UBR4: variants seen among roughly 807,000 people sequenced by gnomAD.
The protein encoded by UBR4 is E3 ubiquitin-protein ligase UBR4.
A neutral mutation model predicts 575.6 loss-of-function variants in UBR4; 124 were observed. The ratio of observed to expected loss-of-function variants is 0.22; its 90% CI spans 0.19 to 0.25. The LOEUF (loss-of-function observed/expected upper bound fraction) is 0.25, where lower values mean the gene tolerates loss of function less well. Ranked by LOEUF, UBR4 falls within the 10% of genes least tolerant of loss-of-function variation. UBR4 has a pLI of 1.00. For missense variants in UBR4, 4,818 were observed against 6,478.8 expected (o/e 0.74, Z 8.80); for synonymous variants, 2,455 against 2,473.7 (o/e 0.99, Z 0.22).
intron 33 of UBR4, among the ~76,000 whole-genome samples, chr1:19,164,045 T>C: frequency 6.6e-6 from 1 of 152,118 alleles, no homozygotes; most frequent in East Asian, 1.9e-4. Flanking sequence ...AAGAATTATC[T>C]TGGGAACAAT....
intron 15 of UBR4, 46 bp downstream of exon 15, chr1:19,185,053 A>T (rs750176038): frequency 6.2e-7 from 1 of 1,609,486 alleles, no homozygotes; most frequent in Non-Finnish European, 8.5e-7. Context: ...TCATACCCCT[A>T]GCTCCCCATG....
At position 19,076,834 on chromosome 1, in the gene UBR4, G is replaced by A; in HGVS notation, c.15393C>T (p.Asp5131=). ...TGTCGGCAGCTTCGTAGATGGGCATGTCGTTGTGGCGGATGTACTCAGCGA... is the reference window on the plus strand; with the variant it reads ...TGTCGGCAGCTTCGTAGATGGGCATATCGTTGTGGCGGATGTACTCAGCGA... ...CSLAEYIRHN[D]MPIYEAADKA... is the part of the protein sequence containing the mutation. Residue 5131 remains aspartate (D), a synonymous_variant, in exon 105 of 106, where the codon GAC becomes GAT. Transcript: ENST00000375254. 1 of 1,613,342 alleles carries A rather than the reference G, an allele frequency of 6.2e-7. No individual in the cohort carries two copies. The highest frequency in any genetic ancestry group is 2.2e-5 in the East Asian group (1 of 44,856).
intron 1 of UBR4, among the ~76,000 whole-genome samples, chr1:19,208,110 A>T (rs2093099406): frequency 1.3e-5 from 2 of 152,250 alleles, no homozygotes; most frequent in Admixed American, 6.5e-5. Context: ...CCTCTCACAC[A>T]GCCTGCAGAG....
chr1:19,165,001 G>T lies in UBR4; in HGVS notation c.4313-4C>A. ...CTCGGGTTAGGGCTCTTCTCAGCTA[G>T]GAGCAGAACAAGAGGCCAGGGTCAG... On this transcript the variant is annotated splice_polypyrimidine_tract_variant and splice_region_variant and intron_variant, in intron 31 of 105. Transcript: ENST00000375254. 1 of 1,613,974 alleles carries T rather than the reference G, an allele frequency of 6.2e-7. No individual in the cohort carries two copies. The highest frequency in any genetic ancestry group is 1.3e-5 in the African/African-American group (1 of 75,004).
rs760626107 is a variant in UBR4, at chr1:19,186,491, G to A, written c.1750+49C>T. The A allele has an allele frequency of 7.1e-6, 11 of 1,551,598 alleles. 1 individual carries two copies. Among genetic ancestry groups the A allele is most frequent in the South Asian group, 3.4e-5 (3 of 89,112 alleles). On this transcript the variant is annotated intron_variant, in intron 14 of 105. Transcript: ENST00000375254. ...ACAGGAATCTGCTGAGAACACTCCT[G>A]TTGCACTCTATAGCTTATCTCTGGG...
At chr1:19,149,396 A>G (rs943746211) in intron 49 of UBR4, among the ~76,000 whole-genome samples, 1 of 152,176 alleles carries the variant, frequency 6.6e-6, no homozygotes, top group Non-Finnish European at 1.5e-5. Context: ...GGAAGAGGAA[A>G]CTGAGGCATA....
intron 42 of UBR4, 111 bp from the exon 43 acceptor site, chr1:19,155,779 C>T: frequency 2.3e-6 from 2 of 886,814 alleles, no homozygotes; most frequent in Admixed American, 2.3e-5. Flanking sequence ...ATTCATTCTC[C>T]ATTCAGTAAA....
At position 19,122,476 on chromosome 1, in the gene UBR4, G is replaced by A. The variant is rs138961431; in HGVS notation, c.9816+357C>T. On this transcript the variant is annotated intron_variant, in intron 66 of 105. Coordinates refer to ENST00000375254, the MANE Select transcript of UBR4 (RefSeq NM_020765.3). ...TAGGCAGCAATACATTTTTCTACTC[G>A]AACCTTCATCATTTCTTTAGTATTC... Among the ~76,000 whole-genome samples the A allele has an allele frequency of 1.3e-3, 201 of 152,160 alleles. No homozygotes were observed. The Middle Eastern group carries it at 0.014, about 10-fold the overall frequency.
rs369510719 is a variant in UBR4 at position 19,081,377 on chromosome 1, G to A, written c.15205C>T (p.Arg5069Trp). 3.5e-5 allele frequency: 57 copies of A among 1,609,642 alleles called. No individual in the cohort carries two copies. The highest frequency in any genetic ancestry group is 2.2e-4 in the South Asian group (20 of 90,764). ...LRRLLVTSQA[R>W]AVAPGGATRL... is the part of the protein sequence containing the mutation. ...GTGGCTCCACCTGGAGCCACTGCCCGAGCCTGCGAGGTCACCAACAGCCTC... is the reference window on the plus strand; with the variant it reads ...GTGGCTCCACCTGGAGCCACTGCCCAAGCCTGCGAGGTCACCAACAGCCTC... The change falls in exon 103 of 106, where the codon CGG (arginine) becomes TGG (tryptophan). Residue 5069 changes from arginine (R) to tryptophan (W), a missense_variant. Arg to Trp is a moderately radical substitution (Grantham distance 101, BLOSUM62 -3). Transcript: ENST00000375254.
Position 19,157,800 on chromosome 1 carries a change from A to C in UBR4, c.5760+15T>G. The C allele has an allele frequency of 1.9e-6, 3 of 1,611,344 alleles. No homozygotes were observed. The South Asian group carries it at 3.3e-5, about 18-fold the overall frequency. ...ATATGACCTAAAGTAAGCGCACAAG[A>C]ATTGGAGGACCCACCTTGCCCTTCT... is the stretch of plus-strand genomic sequence containing the variant. On this transcript the variant is annotated intron_variant, in intron 40 of 105. Coordinates refer to ENST00000375254, the MANE Select transcript of UBR4 (RefSeq NM_020765.3). The surrounding 1 kb of genome is among the most constrained non-coding windows in gnomAD (Gnocchi z 4.4).
intron 1 of UBR4, among the ~76,000 whole-genome samples, chr1:19,206,736 A>G (rs1481343842): frequency 6.6e-6 from 1 of 152,214 alleles, no homozygotes; most frequent in Non-Finnish European, 1.5e-5. Context: ...CCCTTTAAAT[A>G]AATTCAGATA....
chr1:19,186,310 A>T (rs1348532013), intron 14 of UBR4, among the ~76,000 whole-genome samples: 1 of 152,202 alleles, frequency 6.6e-6, no homozygotes, highest in Non-Finnish European at 1.5e-5. Context: ...AAGGAATGAA[A>T]AGTAACCCAG....
chr1:19,151,938 G>T (rs1364481252), intron 47 of UBR4, 79 bp from the exon 48 acceptor site: 5 of 1,258,284 alleles, frequency 4.0e-6, no homozygotes, highest in Non-Finnish European at 5.4e-6. Context: ...CTCTGACATT[G>T]TCTCAACATG....
intron 49 of UBR4, 48 bp downstream of exon 49, chr1:19,150,529 T>C (rs1279580284): frequency 6.3e-7 from 1 of 1,587,684 alleles, no homozygotes; most frequent in Admixed American, 1.7e-5. Flanking sequence ...GGTTCTGCAG[T>C]GAGTGGAATA....
At chr1:19,082,245 G>T (rs539332840) in intron 102 of UBR4, 63 of 170,694 alleles carry the variant, frequency 3.7e-4, no homozygotes, top group South Asian at 6.1e-4. Context: ...TCAGTGCCAG[G>T]CACTGCTCTA....
intron 86 of UBR4, 123 bp downstream of exon 86, chr1:19,104,462 A>C: frequency 1.6e-6 from 2 of 1,230,456 alleles, no homozygotes; most frequent in Non-Finnish European, 2.3e-6. Flanking sequence ...AAAAATGCAG[A>C]GCTTAAATCT....
At chr1:19,112,378 T>C in intron 78 of UBR4, 146 bp downstream of exon 78, 1 of 938,548 alleles carries the variant, frequency 1.1e-6, no homozygotes, top group Middle Eastern at 3.2e-4. Context: ...CTACACCCTG[T>C]GTCTCTTTCC....
intron 1 of UBR4, among the ~76,000 whole-genome samples, chr1:19,203,395 C>G (rs374728262): frequency 6.6e-6 from 1 of 151,390 alleles, no homozygotes; most frequent in East Asian, 2.0e-4. Flanking sequence ...CAGCTACTCA[C>G]GAGGCTGAGG....
chr1:19,176,483 T>C, intron 20 of UBR4, 109 bp downstream of exon 20: 1 of 1,343,792 alleles, frequency 7.4e-7, no homozygotes, highest in Non-Finnish European at 1.0e-6. Flanking sequence ...CCATAGGGAT[T>C]ACACTAAAGC....
Sources: allele counts gnomAD v4.1 joint callset (sites outside exome capture counted in the v4.1 genomes callset), GRCh38; gene constraint gnomAD v4.1.1; non-coding constraint Gnocchi (gnomAD v3.1); transcripts MANE v1.5; gene names NCBI Gene and HGNC (gene_info 2026-07-23, HGNC 2026-07-21).